Variants in TSC22D1 observed in about 807,000 individuals in gnomAD.
TSC22D1 encodes the protein TSC22 domain family member 1.
A neutral mutation model predicts 74.2 loss-of-function variants in TSC22D1; 9 were observed. The observed-to-expected ratio is 0.12, with a 90% CI of 0.07 to 0.21. The LOEUF (loss-of-function observed/expected upper bound fraction) is 0.21, where lower values mean the gene tolerates loss of function less well. Among genes scored for constraint, TSC22D1 ranks in the 10% least tolerant of loss-of-function variants. TSC22D1 has a pLI of 1.00. For missense variants in TSC22D1, 1,427 were observed against 1,304.7 expected (o/e 1.09, Z -1.44); for synonymous variants, 586 against 492.5 (o/e 1.19, Z -2.51).
chr13:44,492,220 T>C (rs1878760260), intron 1 of TSC22D1, among the ~76,000 whole-genome samples: 1 of 150,754 alleles, frequency 6.6e-6, no homozygotes. Context: ...CATCATAGCT[T>C]AGCCTAGCCT....
intron 1 of TSC22D1, among the ~76,000 whole-genome samples, chr13:44,456,226 C>T (rs554450788): frequency 6.6e-6 from 1 of 152,202 alleles, no homozygotes; most frequent in Admixed American, 6.5e-5. Flanking sequence ...AACAACAAAG[C>T]TTCCACGGCG....
intron 1 of TSC22D1, among the ~76,000 whole-genome samples, chr13:44,458,706 C>G (rs1876815911): frequency 6.6e-6 from 1 of 152,214 alleles, no homozygotes; most frequent in Non-Finnish European, 1.5e-5. Context: ...TCTCTCCCCA[C>G]TCCCAGTGCC....
chr13:44,547,812 T>A (rs1881928188), intron 1 of TSC22D1, among the ~76,000 whole-genome samples: 1 of 152,150 alleles, frequency 6.6e-6, no homozygotes, highest in African/African-American at 2.4e-5. Flanking sequence ...AAGGTCTTCC[T>A]ATGATGCCCA....
chr13:44,551,386 AT>A (rs1882242119), intron 1 of TSC22D1, among the ~76,000 whole-genome samples: 2 of 93,930 alleles, frequency 2.1e-5, no homozygotes, highest in African/African-American at 8.8e-5. Flanking sequence ...CCCCAATCAG[AT>A]GGGTGTGTGT....
chr13:44,489,591 C>T (rs1404611541), intron 1 of TSC22D1, among the ~76,000 whole-genome samples: 3 of 151,758 alleles, frequency 2.0e-5, no homozygotes, highest in East Asian at 1.9e-4. Flanking sequence ...TTTGGGAGGC[C>T]GAGGTGGGAG....
chr13:44,461,084 A>G (rs1442016005), intron 1 of TSC22D1, among the ~76,000 whole-genome samples: 1 of 152,240 alleles, frequency 6.6e-6, no homozygotes, highest in Non-Finnish European at 1.5e-5. Context: ...TAACTAGGAC[A>G]GTGGAATGTT....
intron 1 of TSC22D1, among the ~76,000 whole-genome samples, chr13:44,483,379 G>C (rs530164579): frequency 2.0e-5 from 3 of 152,112 alleles, no homozygotes; most frequent in Non-Finnish European, 4.4e-5. Context: ...CAAGAATTAT[G>C]GGCCGGGTGC....
intron 1 of TSC22D1, among the ~76,000 whole-genome samples, chr13:44,446,573 A>G (rs915933281): frequency 3.9e-5 from 6 of 152,190 alleles, no homozygotes; most frequent in African/African-American, 1.4e-4. Flanking sequence ...TTAGAACCCC[A>G]AGACTCAGCA....
At chr13:44,527,733 T>C (rs1282663670) in intron 1 of TSC22D1, among the ~76,000 whole-genome samples, 3 of 152,056 alleles carry the variant, frequency 2.0e-5, no homozygotes, top group Non-Finnish European at 4.4e-5. Context: ...AATACACCAA[T>C]TAAAACACAG....
chr13:44,516,311 A>T (rs1482865599), intron 1 of TSC22D1: 3 of 470,152 alleles, frequency 6.4e-6, no homozygotes, highest in South Asian at 5.0e-5. Flanking sequence ...GCTCCCCTCT[A>T]CCACAGGTTA....
At chr13:44,463,948 A>G (rs2137886234) in intron 1 of TSC22D1, among the ~76,000 whole-genome samples, 1 of 152,332 alleles carries the variant, frequency 6.6e-6, no homozygotes, top group South Asian at 2.1e-4. Context: ...TCCTGCCAAC[A>G]GACAGCATCA....
chr13:44,449,487 A>C (rs1382118749), intron 1 of TSC22D1, among the ~76,000 whole-genome samples: 3 of 152,212 alleles, frequency 2.0e-5, no homozygotes, highest in Non-Finnish European at 1.5e-5. Context: ...CTGCGTCCCC[A>C]AGGCTTGTGG....
intron 1 of TSC22D1, chr13:44,537,542 T>C (rs893130575): frequency 8.1e-6 from 8 of 985,008 alleles, no homozygotes; most frequent in Non-Finnish European, 8.4e-6. Flanking sequence ...CTAACTTAAT[T>C]TCCAAGCAAA....
intron 1 of TSC22D1, among the ~76,000 whole-genome samples, chr13:44,554,206 T>TA (rs1306936370): frequency 6.6e-6 from 1 of 152,172 alleles, no homozygotes; most frequent in Admixed American, 6.5e-5. Flanking sequence ...TACCTGCACA[T>TA]AACAGCTATG....
At chr13:44,454,782 G>C (rs776948743) in intron 1 of TSC22D1, among the ~76,000 whole-genome samples, 49 of 152,210 alleles carry the variant, frequency 3.2e-4, no homozygotes, top group Non-Finnish European at 5.9e-4. Context: ...AAGGCGCAAA[G>C]GAGTTATGTG....
chr13:44,496,224 C>A (rs1878968308), intron 1 of TSC22D1, among the ~76,000 whole-genome samples: 1 of 152,170 alleles, frequency 6.6e-6, no homozygotes, highest in Non-Finnish European at 1.5e-5. Flanking sequence ...ATGAAAGATG[C>A]TCATCACTAG....
intron 1 of TSC22D1, among the ~76,000 whole-genome samples, chr13:44,480,553 T>C (rs1878129144): frequency 6.6e-6 from 1 of 152,132 alleles, no homozygotes; most frequent in South Asian, 2.1e-4. Context: ...GAATTTAGGA[T>C]GATGCAGGGT....
intron 1 of TSC22D1, among the ~76,000 whole-genome samples, chr13:44,439,333 A>T (rs1485348965): frequency 6.6e-6 from 1 of 152,266 alleles, no homozygotes; most frequent in Non-Finnish European, 1.5e-5. Context: ...TAATTTTCTC[A>T]TATATTTCAC....
Position 44,509,512 on chromosome 13 carries a change from C to T in TSC22D1, c.2912+63651G>A, listed in dbSNP as rs569019849. Reference sequence around the variant, plus strand: ...AAAATGAGCCGGACGTGGTGGCGGGCGCCTGTAGTCCCAGCTACTCAGGAG... The same window carrying T: ...AAAATGAGCCGGACGTGGTGGCGGGTGCCTGTAGTCCCAGCTACTCAGGAG... On this transcript the variant is annotated intron_variant, in intron 1 of 2. Coordinates refer to ENST00000458659, the MANE Select transcript of TSC22D1 (RefSeq NM_183422.4). Among the ~76,000 whole-genome samples, 432 of 152,172 alleles carry T rather than the reference C, an allele frequency of 2.8e-3. 1 individual carries two copies. The highest frequency in any genetic ancestry group is 5.0e-3 in the Non-Finnish European group (337 of 68,002).
Sources: allele counts gnomAD v4.1 joint callset (sites outside exome capture counted in the v4.1 genomes callset), GRCh38; gene constraint gnomAD v4.1.1; transcripts MANE v1.5; gene names NCBI Gene and HGNC (gene_info 2026-07-23, HGNC 2026-07-21).